Variants in ALDH5A1 observed in about 807,000 individuals in gnomAD.
The protein encoded by ALDH5A1 is succinate-semialdehyde dehydrogenase, mitochondrial.
In ALDH5A1, 33 loss-of-function variants were observed where a neutral mutation model predicts 54.7. The ratio of observed to expected loss-of-function variants is 0.60; its 90% CI spans 0.46 to 0.81. The LOEUF is 0.81. Among genes scored for constraint, ALDH5A1 ranks in the 30% least tolerant of loss-of-function variants. The probability of loss-of-function intolerance (pLI) is 0.00; values close to 1 mark genes in which losing one functional copy is unlikely to be tolerated. For missense variants in ALDH5A1, 657 were observed against 711.0 expected (o/e 0.92, Z 0.86); for synonymous variants, 294 against 292.7 (o/e 1.00, Z -0.05).
At position 24,535,955 on chromosome 6, in the gene ALDH5A1, T is replaced by C. The variant is rs532562765; in HGVS notation, c.*2243T>C. On this transcript the variant is annotated 3_prime_UTR_variant, in exon 10 of 10. Transcript: ENST00000357578. ...TTGGCTGGGTGGCAAATTTTGAGTC[T>C]TCTTGCATATTTGGCTCATGGGTTC... 3 of 152,360 alleles carry C rather than the reference T, an allele frequency of 2.0e-5. No homozygotes were observed. The East Asian group carries it at 5.8e-4, about 29-fold the overall frequency. The allele number at this position is 152,360 out of a possible 1,614,324, so 9.4% of individuals were successfully genotyped here.
At position 24,504,886 on chromosome 6, in the gene ALDH5A1, C is replaced by G. The variant is rs1472321830; in HGVS notation, c.627C>G (p.Ala209=). ...AACCCCAGTGGAATTTCCCCAGTGC[C>G]ATGATCACCCGGAAGGTGGGGGCCG... ...AVITPWNFPS[A]MITRKVGAAL... Residue 209 remains alanine, a synonymous_variant, in exon 4 of 10, where the codon GCC becomes GCG. Coordinates refer to ENST00000357578, the MANE Select transcript of ALDH5A1 (RefSeq NM_001080.3). 6.2e-7 allele frequency: 1 copy of G among 1,614,094 alleles called. No individual in the cohort carries two copies. The highest frequency in any genetic ancestry group is 8.5e-7 in the Non-Finnish European group (1 of 1,180,038).
At chr6:24,525,279 C>T (rs574504608) in intron 7 of ALDH5A1, among the ~76,000 whole-genome samples, 10 of 152,140 alleles carry the variant, frequency 6.6e-5, no homozygotes, top group African/African-American at 1.4e-4. Context: ...CCATCCTAGC[C>T]GATGGGGATT....
Position 24,515,308 on chromosome 6 carries a change from A to G in ALDH5A1, c.868A>G (p.Lys290Glu). Residue 290 changes from lysine to glutamate, a missense_variant and splice_region_variant, in exon 5 of 10, where the codon AAG becomes GAG. By Grantham distance (56) the Lys-to-Glu change is moderately conservative. Around this residue, in one of 2 missense-constraint regions of ALDH5A1, gnomAD observed 425 missense variants for 516.4 expected, o/e 0.82. Coordinates refer to ENST00000357578, the MANE Select transcript of ALDH5A1 (RefSeq NM_001080.3). ...CTTTACTGGTTCAACAACTACAGGA[A>G]AGGTATGTGACTCAAGTTTCAAAGA... ...ISFTGSTTTGKILLHHAANSV... is the reference protein window; with the variant it reads ...ISFTGSTTTGEILLHHAANSV... 6.2e-7 allele frequency: 1 copy of G among 1,613,924 alleles called. No homozygotes were observed. Among genetic ancestry groups the G allele is most frequent in the South Asian group, 1.1e-5 (1 of 91,072 alleles).
chr6:24,511,381 A>G (rs1199604546), intron 4 of ALDH5A1, among the ~76,000 whole-genome samples: 1 of 152,150 alleles, frequency 6.6e-6, no homozygotes. Context: ...GCAAGGCTGG[A>G]GAAGTTTTCC....
At chr6:24,510,477 G>A (rs1759439672) in intron 4 of ALDH5A1, among the ~76,000 whole-genome samples, 1 of 151,984 alleles carries the variant, frequency 6.6e-6, no homozygotes. Flanking sequence ...TAGAAATTTG[G>A]GAGCTCCAGT....
chr6:24,500,196 A>T (rs1764793233), intron 1 of ALDH5A1, among the ~76,000 whole-genome samples: 1 of 152,216 alleles, frequency 6.6e-6, no homozygotes, highest in South Asian at 2.1e-4. Context: ...TGCATAACAT[A>T]ACATTTACCA....
At chr6:24,504,174 C>T (rs1227409696) in intron 3 of ALDH5A1, among the ~76,000 whole-genome samples, 2 of 152,116 alleles carry the variant, frequency 1.3e-5, no homozygotes, top group African/African-American at 4.8e-5. Flanking sequence ...GCACTGTCTC[C>T]GTTTTCTTGA....
rs112834539 is a variant in ALDH5A1, at chr6:24,520,633, A to AGT, written c.1014+103_1014+104dup. 50,797 of 1,488,266 alleles carry AGT rather than the reference A, an allele frequency of 0.034. 886 individuals carry two copies. The highest frequency in any genetic ancestry group is 0.15 in the South Asian group (12,180 of 83,156). The allele number at this position is 1,488,266 out of a possible 1,614,324, so 92.2% of individuals were successfully genotyped here. A position where few individuals can be genotyped will look rare whatever the true frequency, so the allele number is the denominator to read the frequency against. On this transcript the variant is annotated intron_variant, in intron 6 of 9. Transcript: ENST00000357578. The stretch of plus-strand genomic sequence containing the variant: ...TGTGTGTGTGATATGTGTGCATGTG[A>AGT]GTGTGTGTGTGTGTGCGTGTGTGTG...
rs1287321413 is a variant in ALDH5A1 at position 24,503,386 on chromosome 6, G to T, written c.562G>T (p.Ala188Ser). 6.2e-7 allele frequency: 1 copy of T among 1,613,702 alleles called. No homozygotes were observed. Among genetic ancestry groups the T allele is most frequent in the Non-Finnish European group, 8.5e-7 (1 of 1,180,010 alleles). ...IIHTPAKDRRALVLKQPIGVA... is the reference protein window; with the variant it reads ...IIHTPAKDRRSLVLKQPIGVA... The stretch of plus-strand genomic sequence containing the variant: ...CCACACCCCGGCAAAGGACAGGCGG[G>T]CCCTGGTCCTCAAGCAGCCCATAGG... The change falls in exon 3 of 10, where the codon GCC (alanine) becomes TCC (serine). Residue 188 changes from alanine (A) to serine (S), a missense_variant. By Grantham distance (99) the Ala-to-Ser change is moderately conservative. Transcript: ENST00000357578.
chr6:24,519,394 A>G lies in ALDH5A1; in HGVS notation c.871-1007A>G, dbSNP rs1342411702. Among the ~76,000 whole-genome samples, 3 of 151,944 alleles carry G rather than the reference A, an allele frequency of 2.0e-5. No individual in the cohort carries two copies. In the East Asian group the frequency reaches 5.8e-4, roughly 29 times the overall value. ...AGCCTGGCCAACATGACGAAACCCC[A>G]TCTCTACTAAAAATACAAAAATTAG... On this transcript the variant is annotated intron_variant, in intron 5 of 9. Transcript: ENST00000357578.
At chr6:24,502,432 C>T (rs1759213009) in intron 1 of ALDH5A1, 91 bp from the exon 2 acceptor site, 2 of 1,001,106 alleles carry the variant, frequency 2.0e-6, no homozygotes. Flanking sequence ...TGAGACCATA[C>T]AGCTAATATT....
At chr6:24,504,837 C>G in intron 3 of ALDH5A1, 32 bp from the exon 4 acceptor site, 1 of 1,598,308 alleles carries the variant, frequency 6.3e-7, no homozygotes, top group African/African-American at 1.3e-5. Context: ...GGTCCTTCCT[C>G]TCACATACTT....
At chr6:24,515,087 A>AT in intron 4 of ALDH5A1, 80 bp from the exon 5 acceptor site, 1 of 1,438,622 alleles carries the variant, frequency 7.0e-7, no homozygotes, top group Admixed American at 2.1e-5. Context: ...TTAAGTATCT[A>AT]TTTATTTCTC....
chr6:24,520,454 C>T lies in ALDH5A1; in HGVS notation c.924C>T (p.Gly308=), dbSNP rs188108571. The T allele has an allele frequency of 1.9e-5, 31 of 1,614,150 alleles. No homozygotes were observed. Among genetic ancestry groups the T allele is most frequent in the African/African-American group, 1.9e-4 (14 of 75,032 alleles). The change falls in exon 6 of 10, where the codon GGC becomes GGT. Residue 308 remains glycine (G), a synonymous_variant. Coordinates refer to ENST00000357578, the MANE Select transcript of ALDH5A1 (RefSeq NM_001080.3). ...TGAAAAGGGTCTCTATGGAGCTGGG[C>T]GGCCTTGCTCCATTTATAGTATTTG... The part of the protein sequence containing the change: ...NSVKRVSMEL[G]GLAPFIVFDS...
Position 24,536,189 on chromosome 6 carries a change from A to T in ALDH5A1, c.*2477A>T, listed in dbSNP as rs1044569807. The T allele has an allele frequency of 3.3e-5, 5 of 152,246 alleles. No homozygotes were observed. The highest frequency in any genetic ancestry group is 7.3e-5 in the Non-Finnish European group (5 of 68,042). The allele number at this position is 152,246 out of a possible 1,614,324, so 9.4% of individuals were successfully genotyped here. A position where few individuals can be genotyped will look rare whatever the true frequency, so the allele number is the denominator to read the frequency against. On this transcript the variant is annotated 3_prime_UTR_variant, in exon 10 of 10. Transcript: ENST00000357578. ...TTACAACATGGACTAGAAAAGGACC[A>T]TTAGATCAGGGGTTGGCAAACTATG...
Position 24,534,409 on chromosome 6 carries a change from T to G in ALDH5A1, c.*697T>G, listed in dbSNP as rs900806796. 6.6e-6 allele frequency: 1 copy of G among 152,588 alleles called. No individual in the cohort carries two copies. The highest frequency in any genetic ancestry group is 1.5e-5 in the Non-Finnish European group (1 of 68,350). The allele number at this position is 152,588 out of a possible 1,614,324, so 9.5% of individuals were successfully genotyped here. ...GTCCTGTTTGCCACTTCATTTCATT[T>G]CCTTGAGTAAATGAGCTGAAGTGTA... is the stretch of plus-strand genomic sequence containing the variant. On this transcript the variant is annotated 3_prime_UTR_variant, in exon 10 of 10. Coordinates refer to ENST00000357578, the MANE Select transcript of ALDH5A1 (RefSeq NM_001080.3).
chr6:24,500,486 CAG>C (rs1764798230), intron 1 of ALDH5A1, among the ~76,000 whole-genome samples: 1 of 151,946 alleles, frequency 6.6e-6, no homozygotes, highest in Non-Finnish European at 1.5e-5. Flanking sequence ...TTCATAGAGA[CAG>C]AAAGTAGAAT....
chr6:24,507,100 T>C (rs1759373274), intron 4 of ALDH5A1, among the ~76,000 whole-genome samples: 1 of 152,204 alleles, frequency 6.6e-6, no homozygotes, highest in Non-Finnish European at 1.5e-5. Flanking sequence ...TGCTCTACTC[T>C]CTCCAGTTTA....
In ALDH5A1 at chr6:24,521,098, G is replaced by A. The variant is rs200962318; in HGVS notation, c.1014+554G>A. 9.2e-5 allele frequency among the ~76,000 whole-genome samples: 14 copies of A among 152,348 alleles called. No homozygotes were observed. In the East Asian group the frequency reaches 1.2e-3, roughly 13 times the overall value. ...AAACCCTGTTGCCTGCTATGACCCA[G>A]TGGGGCCTCGCTGTCCCGAGATGGA... On this transcript the variant is annotated intron_variant, in intron 6 of 9. Coordinates refer to ENST00000357578, the MANE Select transcript of ALDH5A1 (RefSeq NM_001080.3).
Sources: allele counts gnomAD v4.1 joint callset (sites outside exome capture counted in the v4.1 genomes callset), GRCh38; gene constraint gnomAD v4.1.1; regional missense constraint gnomAD v4.1.1; transcripts MANE v1.5; gene names NCBI Gene and HGNC (gene_info 2026-07-23, HGNC 2026-07-21).